The following QTMAN variants were observed in gnomAD, a reference collection of about 807,000 sequenced individuals.
QTMAN encodes the protein queuosine-tRNA mannosyltransferase.
chr2:144,133,435 A>ATT, the QTMAN span, among the ~76,000 whole-genome samples: 1 of 54,250 alleles, frequency 1.8e-5, no homozygotes, highest in East Asian at 7.4e-4. Flanking sequence ...TATAATATAT[A>ATT]ATATATAATA....
chr2:144,202,828 C>T, the QTMAN span, among the ~76,000 whole-genome samples: 2 of 152,056 alleles, frequency 1.3e-5, no homozygotes, highest in Non-Finnish European at 2.9e-5. Flanking sequence ...TAGAACCTTA[C>T]GTGTAATATT....
chr2:143,983,754 T>C, the QTMAN span, among the ~76,000 whole-genome samples: 6 of 152,206 alleles, frequency 3.9e-5, no homozygotes, highest in Non-Finnish European at 8.8e-5. Context: ...ATTACAGGCG[T>C]GAGCCACCAC....
the QTMAN span, among the ~76,000 whole-genome samples, chr2:144,131,498 T>C: frequency 7.2e-5 from 11 of 151,942 alleles, no homozygotes; most frequent in Non-Finnish European, 1.5e-4. Context: ...ATTCTACTCA[T>C]GGATACCAAG....
the QTMAN span, among the ~76,000 whole-genome samples, chr2:144,091,924 T>C: frequency 6.6e-6 from 1 of 152,164 alleles, no homozygotes. Flanking sequence ...AGAAGTCAGA[T>C]AAAAAGAAGT....
At chr2:144,120,493 T>C in the QTMAN span, among the ~76,000 whole-genome samples, 2 of 152,364 alleles carry the variant, frequency 1.3e-5, no homozygotes, top group Middle Eastern at 3.4e-3. Flanking sequence ...GAAATAACTA[T>C]GAATAAATTA....
the QTMAN span, among the ~76,000 whole-genome samples, chr2:144,150,792 A>C: frequency 6.6e-6 from 1 of 152,152 alleles, no homozygotes. Flanking sequence ...AAAATGTTTT[A>C]AGCACAAAAA....
the QTMAN span, among the ~76,000 whole-genome samples, chr2:144,254,075 A>C: frequency 1.3e-5 from 2 of 152,236 alleles, no homozygotes; most frequent in Admixed American, 6.5e-5. Context: ...TGCAAGCCCC[A>C]GCCTTGGTAG....
chr2:144,129,755 T>G, the QTMAN span, among the ~76,000 whole-genome samples: 1 of 152,016 alleles, frequency 6.6e-6, no homozygotes, highest in Non-Finnish European at 1.5e-5. Context: ...GAATTATAAC[T>G]AGATATCCTA....
the QTMAN span, among the ~76,000 whole-genome samples, chr2:144,329,730 T>C: frequency 2.0e-5 from 3 of 152,194 alleles, no homozygotes; most frequent in African/African-American, 7.2e-5. Context: ...TCTTTCAATA[T>C]TGGAATTCAA....
At chr2:144,181,641 T>C in the QTMAN span, among the ~76,000 whole-genome samples, 1 of 151,948 alleles carries the variant, frequency 6.6e-6, no homozygotes, top group Non-Finnish European at 1.5e-5. Flanking sequence ...TGAAACTTCA[T>C]CTCCGCTAAA....
the QTMAN span, among the ~76,000 whole-genome samples, chr2:144,234,020 G>A: frequency 2.6e-5 from 4 of 152,008 alleles, no homozygotes; most frequent in African/African-American, 4.8e-5. Context: ...AAAAAAAGAA[G>A]TATTATAATT....
the QTMAN span, among the ~76,000 whole-genome samples, chr2:144,098,276 T>C: frequency 6.6e-6 from 1 of 152,234 alleles, no homozygotes; most frequent in African/African-American, 2.4e-5. Flanking sequence ...AATACTTCCA[T>C]GTCACCTTTC....
At chr2:144,036,662 G>A in the QTMAN span, among the ~76,000 whole-genome samples, 10 of 152,028 alleles carry the variant, frequency 6.6e-5, no homozygotes, top group East Asian at 1.9e-3. Flanking sequence ...TATACACTCT[G>A]TATCATTAAA....
the QTMAN span, among the ~76,000 whole-genome samples, chr2:144,289,126 C>T: frequency 7.3e-5 from 11 of 151,594 alleles, no homozygotes; most frequent in South Asian, 8.3e-4. Flanking sequence ...CTCCGCCTCC[C>T]GGGTTCACGC....
chr2:143,970,022 T>G, the QTMAN span, among the ~76,000 whole-genome samples: 1 of 152,208 alleles, frequency 6.6e-6, no homozygotes, highest in Non-Finnish European at 1.5e-5. Context: ...CTTGTATAAC[T>G]TGTGTGCTTA....
the QTMAN span, among the ~76,000 whole-genome samples, chr2:144,103,785 G>A: frequency 1.3e-5 from 2 of 152,196 alleles, no homozygotes; most frequent in Admixed American, 1.3e-4. Context: ...ATACAGTTAG[G>A]TCTTATTAAA....
chr2:143,938,803 A>G, the QTMAN span: 1 of 152,218 alleles, frequency 6.6e-6, no homozygotes, highest in African/African-American at 2.4e-5. Flanking sequence ...TAATTCTTAG[A>G]GATCTTCTGA....
the QTMAN span, among the ~76,000 whole-genome samples, chr2:144,118,283 T>C: frequency 2.0e-5 from 3 of 152,156 alleles, no homozygotes; most frequent in Non-Finnish European, 4.4e-5. Flanking sequence ...CTCTGTAGCA[T>C]GCTATAAAAA....
At chr2:143,984,177 T>A in the QTMAN span, among the ~76,000 whole-genome samples, 1 of 152,184 alleles carries the variant, frequency 6.6e-6, no homozygotes, top group African/African-American at 2.4e-5. Context: ...ACAACTGAAA[T>A]TGGGGGAGTA....
Sources: allele counts gnomAD v4.1 joint callset (sites outside exome capture counted in the v4.1 genomes callset), GRCh38; gene constraint gnomAD v4.1.1; transcripts MANE v1.5; gene names NCBI Gene and HGNC (gene_info 2026-07-23, HGNC 2026-07-21).